Variants in PFKP observed in about 807,000 individuals in gnomAD.
PFKP encodes the protein phosphofructokinase, platelet.
PFKP carries 101 observed loss-of-function variants against 94.3 expected under a neutral mutation model. The ratio of observed to expected loss-of-function variants is 1.07; its 90% CI spans 0.91 to 1.26. PFKP has a LOEUF of 1.26. Among genes scored for constraint, PFKP ranks in the 50% most tolerant of loss-of-function variants. The pLI, the probability that PFKP is intolerant of heterozygous loss-of-function variation, is 0.00. For synonymous variants in PFKP, 573 were observed against 432.6 expected (o/e 1.32, Z -4.03); for missense variants, 1,145 against 1,103.3 (o/e 1.04, Z -0.53).
chr10:3,076,376 C>T (rs544835443), intron 1 of PFKP, among the ~76,000 whole-genome samples: 5 of 152,168 alleles, frequency 3.3e-5, no homozygotes, highest in East Asian at 3.9e-4. Flanking sequence ...AGCATGCTGC[C>T]GCCGCGCCCC....
intron 1 of PFKP, 69 bp from the exon 2 acceptor site, chr10:3,082,319 G>A: frequency 2.6e-6 from 3 of 1,172,446 alleles, no homozygotes; most frequent in Non-Finnish European, 2.5e-6. Context: ...CCATGGTCAT[G>A]GGTAGTTAGT....
chr10:3,109,211 C>A (rs879175883), intron 9 of PFKP, 144 bp from the exon 10 acceptor site: 1 of 1,045,566 alleles, frequency 9.6e-7, no homozygotes, highest in South Asian at 1.4e-5. Context: ...GAGTGGAAAT[C>A]GCTTTGCTCT....
chr10:3,120,925 TA>T (rs147059261), intron 16 of PFKP, among the ~76,000 whole-genome samples: 3,599 of 152,330 alleles, frequency 0.024, 122 homozygotes, highest in African/African-American at 0.078. Flanking sequence ...TTCATTTTTT[TA>T]AAATTTGATG....
At chr10:3,104,117 T>C (rs998659178) in intron 5 of PFKP, among the ~76,000 whole-genome samples, 173 bp downstream of exon 5, 1 of 152,240 alleles carries the variant, frequency 6.6e-6, no homozygotes, top group African/African-American at 2.4e-5. Context: ...CTTTTCATTT[T>C]TAATTTTAAA....
At position 3,129,887 on chromosome 10, in the gene PFKP, C is replaced by T. The variant is rs141941529; in HGVS notation, c.1752C>T (p.Gly584=). 1.2e-4 allele frequency: 191 copies of T among 1,613,464 alleles called. 1 individual carries two copies. The highest frequency in any genetic ancestry group is 1.4e-4 in the Non-Finnish European group (169 of 1,179,872). ...KRRVFIIETM[G]GYCGYLANMG... ...GCGTGTTCATCATCGAGACCATGGG[C>T]GGCTACTGTGGCTACCTGGCCAACA... The change falls in exon 17 of 22, where the codon GGC becomes GGT. Residue 584 remains glycine (G), a synonymous_variant. Coordinates refer to ENST00000381125, the MANE Select transcript of PFKP (RefSeq NM_002627.5).
chr10:3,125,601 A>G (rs1308223903), intron 16 of PFKP, among the ~76,000 whole-genome samples: 1 of 148,708 alleles, frequency 6.7e-6, no homozygotes, highest in Admixed American at 6.8e-5. Context: ...AAGGGGTGTA[A>G]ATGCCCGGTA....
At position 3,136,517 on chromosome 10, in the gene PFKP, A is replaced by AAGGCCAGCTATGACGTGTCGGACTC. The variant is rs780540762; in HGVS notation, c.2303_2327dup (p.Glu777Ter). 6.2e-7 allele frequency: 1 copy of AAGGCCAGCTATGACGTGTCGGACTC among 1,613,642 alleles called. No individual in the cohort carries two copies. On this transcript the variant is annotated frameshift_variant, in exon 22 of 22. Coordinates refer to ENST00000381125, the MANE Select transcript of PFKP (RefSeq NM_002627.5). LOFTEE classifies it low-confidence loss of function (END_TRUNC). ...CCTCATGAAAATCCTGGCCAAGTAC[A>AAGGCCAGCTATGACGTGTCGGACTC]AGGCCAGCTATGACGTGTCGGACTC...
chr10:3,080,536 A>AG (rs1442039445), intron 1 of PFKP, among the ~76,000 whole-genome samples: 2 of 149,870 alleles, frequency 1.3e-5, no homozygotes, highest in Non-Finnish European at 1.5e-5. Flanking sequence ...AAAAAAAAAA[A>AG]AAAAGAGAAT....
intron 1 of PFKP, among the ~76,000 whole-genome samples, chr10:3,077,455 A>G (rs546545856): frequency 1.3e-5 from 2 of 149,318 alleles, no homozygotes; most frequent in South Asian, 2.2e-4. Flanking sequence ...TTTAGTAGAG[A>G]TGGGGTTTCA....
intron 20 of PFKP, among the ~76,000 whole-genome samples, chr10:3,134,930 T>G (rs1839053021): frequency 1.3e-5 from 2 of 152,226 alleles, no homozygotes; most frequent in African/African-American, 4.8e-5. Flanking sequence ...TAGGACAACC[T>G]CCTTGTGACT....
intron 8 of PFKP, chr10:3,108,014 G>C (rs562667469): frequency 7.8e-7 from 1 of 1,289,572 alleles, no homozygotes; most frequent in Non-Finnish European, 1.0e-6. Context: ...GTCAGTTAAG[G>C]AGCAAAGCAT....
intron 16 of PFKP, among the ~76,000 whole-genome samples, chr10:3,127,666 C>T (rs1475896580): frequency 6.6e-6 from 1 of 152,210 alleles, no homozygotes; most frequent in Non-Finnish European, 1.5e-5. Flanking sequence ...TTCAAGAAGG[C>T]AGTTGTGGGC....
intron 1 of PFKP, chr10:3,068,653 C>T (rs1349722087): frequency 3.0e-6 from 3 of 984,838 alleles, no homozygotes; most frequent in Admixed American, 6.1e-5. Context: ...CGGAAGGTGG[C>T]GGAGACTCGG....
intron 21 of PFKP, 31 bp downstream of exon 21, chr10:3,135,869 G>A (rs1283812793): frequency 2.2e-6 from 3 of 1,337,744 alleles, no homozygotes; most frequent in East Asian, 4.6e-5. Context: ...GAGGCAATAA[G>A]ACCCCAATGT....
intron 10 of PFKP, among the ~76,000 whole-genome samples, chr10:3,109,984 A>G (rs1314253878): frequency 6.6e-6 from 1 of 152,092 alleles, no homozygotes; most frequent in African/African-American, 2.4e-5. Context: ...AAACTTCTCC[A>G]GTTTCAGCCA....
At chr10:3,090,100 T>G (rs1833927242) in intron 2 of PFKP, among the ~76,000 whole-genome samples, 1 of 152,242 alleles carries the variant, frequency 6.6e-6, no homozygotes, top group Non-Finnish European at 1.5e-5. Flanking sequence ...TGAATAATAT[T>G]CCATTGTGTA....
chr10:3,099,990 G>T (rs772078699), intron 3 of PFKP, among the ~76,000 whole-genome samples: 1 of 151,378 alleles, frequency 6.6e-6, no homozygotes, highest in Non-Finnish European at 1.5e-5. Context: ...TGAATTTCTG[G>T]CTAGCGAATG....
At chr10:3,082,529 C>A in intron 2 of PFKP, 68 bp downstream of exon 2, 1 of 1,139,806 alleles carries the variant, frequency 8.8e-7, no homozygotes, top group Non-Finnish European at 1.3e-6. Context: ...GTCACCGGCG[C>A]TCGCTCACCC....
At position 3,135,856 on chromosome 10, in the gene PFKP, C is replaced by G. The variant is rs750747004; in HGVS notation, c.2225+18C>G. 2.0e-6 allele frequency: 3 copies of G among 1,507,956 alleles called. No individual in the cohort carries two copies. The Admixed American group carries it at 5.0e-5, about 25-fold the overall frequency. The allele number at this position is 1,507,956 out of a possible 1,614,324, so 93.4% of individuals were successfully genotyped here. On this transcript the variant is annotated intron_variant, in intron 21 of 21. Coordinates refer to ENST00000381125, the MANE Select transcript of PFKP (RefSeq NM_002627.5). Reference sequence around the variant, plus strand: ...GATTTTGAGTAAGTTGGCTGGGTTCCCTGAGGCAATAAGACCCCAATGTGA... The same window carrying G: ...GATTTTGAGTAAGTTGGCTGGGTTCGCTGAGGCAATAAGACCCCAATGTGA...
Sources: gnomAD v4.1 joint callset for allele counts (sites outside exome capture counted in the v4.1 genomes callset) on GRCh38, gnomAD v4.1.1 for gene constraint, MANE v1.5 for transcripts, NCBI Gene and HGNC (gene_info 2026-07-23, HGNC 2026-07-21) for gene names.